The following CPXM2 variants were observed in gnomAD, a reference collection of about 807,000 sequenced individuals.
The protein encoded by CPXM2 is inactive carboxypeptidase-like protein X2.
Under a neutral mutation model 86.1 loss-of-function variants are expected in CPXM2, and 66 were observed. That is an observed-to-expected ratio of 0.77 (90% CI 0.63 to 0.94). The LOEUF is 0.94. CPXM2 is among the 40% of genes least tolerant of loss of function. The pLI, the probability that CPXM2 is intolerant of heterozygous loss-of-function variation, is 0.00. For synonymous variants in CPXM2, 388 were observed against 400.2 expected (o/e 0.97, Z 0.36); for missense variants, 948 against 1,026.3 (o/e 0.92, Z 1.04).
chr10:123,871,182 C>T (rs76547834), intron 2 of CPXM2, among the ~76,000 whole-genome samples: 6,142 of 152,236 alleles, frequency 0.04, 169 homozygotes, highest in East Asian at 0.11. Context: ...CTCAACCCTC[C>T]CAGCCTACCC....
chr10:123,761,986 A>C lies in CPXM2; in HGVS notation c.1663T>G (p.Tyr555Asp). The part of the protein sequence containing the change: ...DHVFRWLAYS[Y>D]ASTHRLMTDA... ...GTCATGAGGCGGTGTGTGGAGGCAT[A>C]GGAGTAGGCCAGCCAGCGGAACACG... Residue 555 changes from tyrosine to aspartate, a missense_variant, in exon 11 of 14, where the codon TAT becomes GAT. Coordinates refer to ENST00000241305, the MANE Select transcript of CPXM2 (RefSeq NM_198148.3). The C allele has an allele frequency of 1.9e-6, 3 of 1,613,780 alleles. No individual in the cohort carries two copies. Among genetic ancestry groups the C allele is most frequent in the Non-Finnish European group, 2.5e-6 (3 of 1,179,804 alleles).
At chr10:123,814,965 C>G (rs1847783551) in intron 4 of CPXM2, among the ~76,000 whole-genome samples, 1 of 152,166 alleles carries the variant, frequency 6.6e-6, no homozygotes, top group Admixed American at 6.5e-5. Context: ...GTGGAGGTTG[C>G]AGTGATCCAA....
upstream of CPXM2, among the ~76,000 whole-genome samples, chr10:123,896,226 T>C (rs1945336986): frequency 6.6e-6 from 1 of 152,200 alleles, no homozygotes; most frequent in Admixed American, 6.5e-5. Flanking sequence ...TCTTACACTT[T>C]CAGAGAGAAT....
intron 2 of CPXM2, among the ~76,000 whole-genome samples, chr10:123,934,554 G>T (rs1945697467): frequency 6.6e-6 from 1 of 152,016 alleles, no homozygotes; most frequent in South Asian, 2.1e-4. Flanking sequence ...GATTCCACCA[G>T]AAAAGACCCT....
chr10:123,783,682 C>T (rs148229531), intron 6 of CPXM2, among the ~76,000 whole-genome samples: 233 of 152,290 alleles, frequency 1.5e-3, no homozygotes, highest in African/African-American at 5.3e-3. Flanking sequence ...CAAAGTCAGA[C>T]CTGCCCCTGG....
chr10:123,886,731 A>G (rs1222095948), intron 1 of CPXM2, among the ~76,000 whole-genome samples: 1 of 152,254 alleles, frequency 6.6e-6, no homozygotes, highest in African/African-American at 2.4e-5. Flanking sequence ...CAATGAAGAG[A>G]GAAATAAATA....
chr10:123,925,743 T>C (rs1381718417), intron 2 of CPXM2, among the ~76,000 whole-genome samples: 1 of 152,186 alleles, frequency 6.6e-6, no homozygotes, highest in Non-Finnish European at 1.5e-5. Flanking sequence ...CTTTTTCCTC[T>C]AGACTATAAG....
intron 3 of CPXM2, among the ~76,000 whole-genome samples, chr10:123,851,522 C>A (rs575049917): frequency 2.4e-4 from 36 of 152,272 alleles, no homozygotes; most frequent in Admixed American, 1.0e-3. Flanking sequence ...GTAATCCCAG[C>A]ACTTTGGGAG....
chr10:123,752,438 T>C (rs1846099473), intron 13 of CPXM2: 1 of 985,252 alleles, frequency 1.0e-6, no homozygotes, highest in African/African-American at 1.7e-5. Context: ...TACACAGCAA[T>C]CTACTATTTT....
intron 3 of CPXM2, among the ~76,000 whole-genome samples, chr10:123,861,774 G>A (rs552255258): frequency 2.6e-5 from 4 of 152,288 alleles, no homozygotes; most frequent in East Asian, 1.9e-4. Flanking sequence ...AAAGAGCATC[G>A]CCCTGCATAC....
chr10:123,911,177 CA>C lies in CPXM2; in HGVS notation n.174+28299del, dbSNP rs199808613. Among the ~76,000 whole-genome samples, 1,262 of 152,292 alleles carry C rather than the reference CA, an allele frequency of 8.3e-3. 19 individuals carry two copies. The highest frequency in any genetic ancestry group is 0.029 in the African/African-American group (1,212 of 41,562). On this transcript the variant is annotated intron_variant and non_coding_transcript_variant, in intron 2 of 19. Transcript: ENST00000368854. ...ATATCTTTCTGTGGGGGACAAAATT[CA>C]ACCCATACAGACCTTATGTTTCTCT...
At chr10:123,862,541 G>A (rs566283900) in intron 3 of CPXM2, 73 bp downstream of exon 3, 11 of 1,326,852 alleles carry the variant, frequency 8.3e-6, no homozygotes, top group Non-Finnish European at 1.2e-5. Context: ...CCTGCGCATT[G>A]CCTGATCCAA....
At chr10:123,931,871 C>T (rs868000654) in intron 2 of CPXM2, among the ~76,000 whole-genome samples, 11 of 152,100 alleles carry the variant, frequency 7.2e-5, no homozygotes, top group African/African-American at 2.2e-4. Flanking sequence ...ATGTGCCATG[C>T]GAGGAATGTC....
In CPXM2 at chr10:123,865,477, G is replaced by A. The variant is rs552635479; in HGVS notation, c.404-2754C>T. ...GGCAGAAAGTGAGAAGGACAGAGGC[G>A]GGACACAGGACACGTGCAGGTGGAA... On this transcript the variant is annotated intron_variant, in intron 2 of 13. Coordinates refer to ENST00000241305, the MANE Select transcript of CPXM2 (RefSeq NM_198148.3). This position sits in a 1 kb window ranked among gnomAD's most constrained non-coding sequence, Gnocchi z 4.7. Among the ~76,000 whole-genome samples the A allele has an allele frequency of 1.7e-3, 252 of 152,210 alleles. 1 individual carries two copies. Among genetic ancestry groups the A allele is most frequent in the Non-Finnish European group, 2.7e-3 (187 of 68,014 alleles).
chr10:123,894,957 A>G (rs1369330952), upstream of CPXM2, among the ~76,000 whole-genome samples: 2 of 152,108 alleles, frequency 1.3e-5, no homozygotes, highest in African/African-American at 4.8e-5. Context: ...ACACCCGTTA[A>G]CAACCTTGCT....
At chr10:123,888,781 T>C (rs1945219777) in intron 1 of CPXM2, among the ~76,000 whole-genome samples, 1 of 152,156 alleles carries the variant, frequency 6.6e-6, no homozygotes, top group South Asian at 2.1e-4. Context: ...GGGAGAGCTC[T>C]AAAAAAGCCC....
rs1444452811 is a variant in CPXM2, at chr10:123,933,230, G to A, written n.174+6247C>T. On this transcript the variant is annotated intron_variant and non_coding_transcript_variant, in intron 2 of 19. Coordinates refer to the CPXM2 transcript ENST00000368854. Reference sequence around the variant, plus strand: ...CAATGCCATGTTGCAGCAAGAGCCAGCATCATTCCTGCACTGACCACCAAA... The same window carrying A: ...CAATGCCATGTTGCAGCAAGAGCCAACATCATTCCTGCACTGACCACCAAA... Among the ~76,000 whole-genome samples the A allele has an allele frequency of 2.6e-5, 4 of 152,222 alleles. No individual in the cohort carries two copies. The East Asian group carries it at 7.7e-4, about 29-fold the overall frequency.
rs749093058 is a variant in CPXM2 at position 123,914,005 on chromosome 10, T to C, written n.174+25472A>G. On this transcript the variant is annotated intron_variant and non_coding_transcript_variant, in intron 2 of 19. Transcript: ENST00000368854. Reference sequence around the variant, plus strand: ...TCAGGCCATTGCCAACCGCATTCCCTCCCCTGGGGTTTCAGAATCCAACCT... The same window carrying C: ...TCAGGCCATTGCCAACCGCATTCCCCCCCCTGGGGTTTCAGAATCCAACCT... 15 of 492,986 alleles carry C rather than the reference T, an allele frequency of 3.0e-5. 1 individual carries two copies. Among genetic ancestry groups the C allele is most frequent in the South Asian group, 1.9e-4 (13 of 67,298 alleles). 30.5% of individuals were successfully genotyped at this position (492,986 alleles called of 1,614,324 possible). A position where few individuals can be genotyped will look rare whatever the true frequency, so the allele number is the denominator to read the frequency against.
chr10:123,871,006 GAC>G (rs1944887243), intron 2 of CPXM2, among the ~76,000 whole-genome samples: 1 of 152,188 alleles, frequency 6.6e-6, no homozygotes, highest in Non-Finnish European at 1.5e-5. Context: ...TCCAACAGAG[GAC>G]ACTCTCAAAG....
Sources: allele counts gnomAD v4.1 joint callset (sites outside exome capture counted in the v4.1 genomes callset), GRCh38; gene constraint gnomAD v4.1.1; non-coding constraint Gnocchi (gnomAD v3.1); transcripts MANE v1.5; gene names NCBI Gene and HGNC (gene_info 2026-07-23, HGNC 2026-07-21).